Variants in ACOXL observed in about 807,000 individuals in gnomAD.
ACOXL encodes the protein acyl-CoA oxidase like, also known as acyl-coenzyme A oxidase-like protein.
A neutral mutation model predicts 71.9 loss-of-function variants in ACOXL; 70 were observed. That is an observed-to-expected ratio of 0.97 (90% CI 0.80 to 1.19). The LOEUF (loss-of-function observed/expected upper bound fraction) is 1.19. Ranked by LOEUF, ACOXL falls within the 50% of genes most tolerant of loss-of-function variation. ACOXL has a pLI of 0.00. For synonymous variants in ACOXL, 253 were observed against 281.6 expected (o/e 0.90, Z 1.02); for missense variants, 703 against 736.3 (o/e 0.95, Z 0.52).
intron 12 of ACOXL, among the ~76,000 whole-genome samples, chr2:110,971,584 G>A (rs923441662): frequency 8.5e-5 from 13 of 152,050 alleles, no homozygotes; most frequent in Admixed American, 4.6e-4. Context: ...TGTTGTAAAC[G>A]GTCTTGATGA....
intron 11 of ACOXL, among the ~76,000 whole-genome samples, chr2:110,919,582 G>T (rs1039764150): frequency 6.6e-6 from 1 of 151,910 alleles, no homozygotes; most frequent in African/African-American, 2.4e-5. Context: ...ATCACACTTT[G>T]TGTTGTATGG....
At chr2:111,042,013 C>CGGCA (rs2149795635) in intron 15 of ACOXL, among the ~76,000 whole-genome samples, 1 of 152,306 alleles carries the variant, frequency 6.6e-6, no homozygotes, top group Admixed American at 6.5e-5. Flanking sequence ...GCCCAGAACA[C>CGGCA]GGCAGGCAGG....
At chr2:110,796,129 G>GCT (rs1685253086) in intron 5 of ACOXL, 1 of 151,480 alleles carries the variant, frequency 6.6e-6, no homozygotes, top group Non-Finnish European at 1.5e-5. Flanking sequence ...CTTTCAAAAT[G>GCT]CTAGAGCTTA....
At chr2:110,830,306 A>G (rs1689663730) in intron 9 of ACOXL, among the ~76,000 whole-genome samples, 1 of 152,170 alleles carries the variant, frequency 6.6e-6, no homozygotes, top group Non-Finnish European at 1.5e-5. Context: ...TAATTACCTA[A>G]CATCAGGTAT....
chr2:110,984,334 A>T (rs1232494110), intron 12 of ACOXL, among the ~76,000 whole-genome samples: 1 of 152,200 alleles, frequency 6.6e-6, no homozygotes, highest in Admixed American at 6.5e-5. Context: ...AGGTAAAACA[A>T]GCACATCTTC....
chr2:110,960,358 A>G (rs2061655041), intron 12 of ACOXL, among the ~76,000 whole-genome samples: 1 of 152,218 alleles, frequency 6.6e-6, no homozygotes, highest in Non-Finnish European at 1.5e-5. Flanking sequence ...AGTGGCCTCC[A>G]TGACTGTCCC....
intron 12 of ACOXL, among the ~76,000 whole-genome samples, chr2:110,950,965 C>A (rs1299577673): frequency 6.6e-6 from 1 of 152,102 alleles, no homozygotes; most frequent in Non-Finnish European, 1.5e-5. Flanking sequence ...TCTGCCCATT[C>A]TTGCTCTTCT....
chr2:110,781,946 A>G (rs181780833), intron 2 of ACOXL, among the ~76,000 whole-genome samples: 3 of 152,354 alleles, frequency 2.0e-5, no homozygotes, highest in African/African-American at 7.2e-5. Context: ...TGTTACATCA[A>G]GTGCTCTACA....
chr2:110,863,541 TTAAAAA>T (rs914905468), intron 10 of ACOXL, among the ~76,000 whole-genome samples: 3 of 151,862 alleles, frequency 2.0e-5, no homozygotes, highest in African/African-American at 7.3e-5. Context: ...GGAAAAAAAA[TTAAAAA>T]TAAGGAAGAA....
rs550898747 is a variant in ACOXL, at chr2:110,884,205, A to G, written c.789-24584A>G. Among the ~76,000 whole-genome samples, 16 of 152,356 alleles carry G rather than the reference A, an allele frequency of 1.1e-4. No homozygotes were observed. The South Asian group carries it at 3.1e-3, about 30-fold the overall frequency. On this transcript the variant is annotated intron_variant, in intron 10 of 17. Coordinates refer to ENST00000439055, the MANE Select transcript of ACOXL (RefSeq NM_001142807.4). Reference sequence around the variant, plus strand: ...CCCAAATGTTTTTATACTAGGTCGAACAAAGAGAAGCAGTTGTGGAAAATT... The same window carrying G: ...CCCAAATGTTTTTATACTAGGTCGAGCAAAGAGAAGCAGTTGTGGAAAATT...
At chr2:110,893,749 A>G (rs1342977083) in intron 10 of ACOXL, among the ~76,000 whole-genome samples, 1 of 152,200 alleles carries the variant, frequency 6.6e-6, no homozygotes, top group Non-Finnish European at 1.5e-5. Context: ...ATATGTTAAT[A>G]TATGTTGAAG....
chr2:110,759,632 A>T, intron 1 of ACOXL, among the ~76,000 whole-genome samples: 1 of 152,176 alleles, frequency 6.6e-6, no homozygotes, highest in Non-Finnish European at 1.5e-5. Flanking sequence ...CCAGCTTGGC[A>T]ATCTTTTCAC....
At chr2:110,993,312 A>G (rs1231742557) in intron 13 of ACOXL, among the ~76,000 whole-genome samples, 1 of 152,198 alleles carries the variant, frequency 6.6e-6, no homozygotes, top group Non-Finnish European at 1.5e-5. Flanking sequence ...CACTACGCAG[A>G]TACAGCCACT....
chr2:110,793,642 G>A lies in ACOXL; in HGVS notation c.160-8G>A, dbSNP rs778433851. 1.2e-6 allele frequency: 2 copies of A among 1,612,970 alleles called. No homozygotes were observed. The highest frequency in any genetic ancestry group is 2.7e-5 in the African/African-American group (2 of 74,852). ...GCTAATGATGGTTTGTATTGTCCTT[G>A]TTTCCAGTGCGGAATAATTTATTGG... On this transcript the variant is annotated splice_polypyrimidine_tract_variant and splice_region_variant and intron_variant, in intron 3 of 17. Transcript: ENST00000439055.
At chr2:110,893,214 G>A (rs895703394) in intron 10 of ACOXL, among the ~76,000 whole-genome samples, 5 of 152,054 alleles carry the variant, frequency 3.3e-5, no homozygotes, top group African/African-American at 1.2e-4. Context: ...AAACAAATAT[G>A]ACTACCAATG....
intron 15 of ACOXL, among the ~76,000 whole-genome samples, chr2:111,037,742 G>A (rs12473954): frequency 0.18 from 26,751 of 152,136 alleles, 2,545 homozygotes; most frequent in Middle Eastern, 0.23. Flanking sequence ...AAGCTGTGGC[G>A]TTATGACTTT....
intron 12 of ACOXL, among the ~76,000 whole-genome samples, chr2:110,979,032 G>A (rs1159337716): frequency 6.6e-6 from 1 of 152,096 alleles, no homozygotes; most frequent in African/African-American, 2.4e-5. Context: ...GGGCGATTCC[G>A]GGGGTGAGTG....
intron 12 of ACOXL, among the ~76,000 whole-genome samples, chr2:110,985,813 G>A (rs1298364411): frequency 2.0e-5 from 3 of 152,176 alleles, no homozygotes; most frequent in Admixed American, 6.5e-5. Flanking sequence ...GACAGGACAC[G>A]GGGTATGGCA....
chr2:111,027,213 C>T (rs1303695819), intron 14 of ACOXL, among the ~76,000 whole-genome samples: 1 of 150,754 alleles, frequency 6.6e-6, no homozygotes, highest in East Asian at 2.0e-4. Flanking sequence ...GTTTTAAACC[C>T]TTCTTATATA....
Sources: gnomAD v4.1 joint callset for allele counts (sites outside exome capture counted in the v4.1 genomes callset) on GRCh38, gnomAD v4.1.1 for gene constraint, MANE v1.5 for transcripts, NCBI Gene and HGNC (gene_info 2026-07-23, HGNC 2026-07-21) for gene names.